FNDC3B: variants seen among roughly 807,000 people sequenced by gnomAD.
FNDC3B encodes the protein fibronectin type III domain containing 3B, also known as fibronectin type III domain-containing protein 3B.
FNDC3B carries 12 observed loss-of-function variants against 151.5 expected under a neutral mutation model. The ratio of observed to expected loss-of-function variants is 0.08; its 90% confidence interval spans 0.05 to 0.13. The LOEUF is 0.13. Ranked by LOEUF, FNDC3B falls within the 10% of genes least tolerant of loss-of-function variation. The pLI is 1.00. For synonymous variants in FNDC3B, 528 were observed against 549.0 expected (o/e 0.96, Z 0.54); for missense variants, 1,214 against 1,505.3 (o/e 0.81, Z 3.20).
At chr3:172,123,739 T>C (rs989812378) in intron 2 of FNDC3B, among the ~76,000 whole-genome samples, 9 of 152,246 alleles carry the variant, frequency 5.9e-5, no homozygotes, top group African/African-American at 2.2e-4. Context: ...AAAACATCTA[T>C]ATAGAATGGC....
At chr3:172,287,129 A>G (rs1270073218) in intron 7 of FNDC3B, among the ~76,000 whole-genome samples, 1 of 152,200 alleles carries the variant, frequency 6.6e-6, no homozygotes, top group Non-Finnish European at 1.5e-5. Flanking sequence ...GTCCATGCCC[A>G]TCAAGTGGGA....
At chr3:172,230,124 G>A (rs1726810903) in intron 4 of FNDC3B, among the ~76,000 whole-genome samples, 1 of 152,044 alleles carries the variant, frequency 6.6e-6, no homozygotes, top group Non-Finnish European at 1.5e-5. Flanking sequence ...GAAAGCATGA[G>A]CAACAAGAGA....
intron 23 of FNDC3B, among the ~76,000 whole-genome samples, chr3:172,371,108 A>G (rs1364054671): frequency 6.6e-6 from 1 of 151,170 alleles, no homozygotes; most frequent in African/African-American, 2.4e-5. Flanking sequence ...TCAGGGCAAC[A>G]CCCTCCCCCC....
rs555490590 is a variant in FNDC3B at position 172,209,970 on chromosome 3, C to A, written c.188-16901C>A. ...ACATCCGGCTGGCTCGCAACAGTGCCCAGGCTCAGCCACAACTGTTTTCCG... is the reference window on the plus strand; with the variant it reads ...ACATCCGGCTGGCTCGCAACAGTGCACAGGCTCAGCCACAACTGTTTTCCG... On this transcript the variant is annotated intron_variant, in intron 3 of 25. Coordinates refer to ENST00000415807, the MANE Select transcript of FNDC3B (RefSeq NM_022763.4). 2.6e-5 allele frequency among the ~76,000 whole-genome samples: 4 copies of A among 152,246 alleles called. No homozygotes were observed. The East Asian group carries it at 5.8e-4, about 22-fold the overall frequency.
At chr3:172,342,575 A>T (rs937868426) in intron 17 of FNDC3B, among the ~76,000 whole-genome samples, 1 of 152,196 alleles carries the variant, frequency 6.6e-6, no homozygotes, top group Non-Finnish European at 1.5e-5. Flanking sequence ...GAATCAATTG[A>T]TTAATATTGA....
At chr3:172,120,159 C>G (rs1720462710) in intron 2 of FNDC3B, among the ~76,000 whole-genome samples, 1 of 152,126 alleles carries the variant, frequency 6.6e-6, no homozygotes, top group African/African-American at 2.4e-5. Flanking sequence ...TCTGAGCTGT[C>G]TGGGTTGAGA....
intron 2 of FNDC3B, among the ~76,000 whole-genome samples, chr3:172,121,341 G>A (rs958235597): frequency 1.3e-5 from 2 of 152,176 alleles, no homozygotes; most frequent in Non-Finnish European, 2.9e-5. Context: ...CTGGGCGCTG[G>A]TTCATGTTGC....
intron 24 of FNDC3B, 28 bp from the exon 25 acceptor site, chr3:172,380,938 A>G: frequency 6.2e-7 from 1 of 1,610,308 alleles, no homozygotes; most frequent in Non-Finnish European, 8.5e-7. Context: ...TTGAATTTTG[A>G]GCTTGGATGT....
At chr3:172,360,494 A>G (rs1373004849) in intron 22 of FNDC3B, among the ~76,000 whole-genome samples, 1 of 152,172 alleles carries the variant, frequency 6.6e-6, no homozygotes, top group Non-Finnish European at 1.5e-5. Flanking sequence ...TTTTCATGTC[A>G]TATCCAAAAA....
At chr3:172,167,080 T>C (rs1161693912) in intron 3 of FNDC3B, among the ~76,000 whole-genome samples, 1 of 152,146 alleles carries the variant, frequency 6.6e-6, no homozygotes, top group Non-Finnish European at 1.5e-5. Context: ...CTCTTAAATA[T>C]TGCGTTGTTT....
At chr3:172,104,797 G>A (rs568831424) in intron 1 of FNDC3B, among the ~76,000 whole-genome samples, 1 of 152,286 alleles carries the variant, frequency 6.6e-6, no homozygotes, top group African/African-American at 2.4e-5. Flanking sequence ...CAGAGGTAAA[G>A]AAGATCACAT....
chr3:172,254,769 C>T (rs538416038), intron 6 of FNDC3B, among the ~76,000 whole-genome samples: 1 of 152,252 alleles, frequency 6.6e-6, no homozygotes, highest in East Asian at 1.9e-4. Flanking sequence ...GGATCTCTGT[C>T]TTCTTGCACT....
At chr3:172,195,884 A>T (rs1288346344) in intron 3 of FNDC3B, among the ~76,000 whole-genome samples, 6 of 152,220 alleles carry the variant, frequency 3.9e-5, no homozygotes, top group Non-Finnish European at 8.8e-5. Flanking sequence ...ACATAATGAC[A>T]CTAATCCTCA....
chr3:172,389,935 T>G (rs931914075), intron 25 of FNDC3B, among the ~76,000 whole-genome samples: 29 of 152,226 alleles, frequency 1.9e-4, no homozygotes, highest in African/African-American at 6.3e-4. Flanking sequence ...TAGACTCCAT[T>G]TTTTGCTGCA....
chr3:172,167,207 C>T (rs1723048703), intron 3 of FNDC3B, among the ~76,000 whole-genome samples: 1 of 152,110 alleles, frequency 6.6e-6, no homozygotes, highest in Non-Finnish European at 1.5e-5. Context: ...ACCAGTCTGG[C>T]CAACATGGCG....
intron 13 of FNDC3B, among the ~76,000 whole-genome samples, chr3:172,331,779 A>G (rs13096174): frequency 0.58 from 88,714 of 151,926 alleles, 28,656 homozygotes; most frequent in African/African-American, 0.86. Context: ...CATTTTCTTC[A>G]AGTCTGTTCT....
At chr3:172,396,301 C>T (rs945145243) in intron 25 of FNDC3B, among the ~76,000 whole-genome samples, 2 of 152,098 alleles carry the variant, frequency 1.3e-5, no homozygotes, top group African/African-American at 4.8e-5. Flanking sequence ...AAATTAATTA[C>T]AGAATTAGAA....
chr3:172,093,543 T>C (rs1047237223), intron 1 of FNDC3B, among the ~76,000 whole-genome samples: 7 of 151,988 alleles, frequency 4.6e-5, no homozygotes, highest in South Asian at 2.1e-4. Flanking sequence ...CAGGCGTGAG[T>C]CACCGCGCCC....
At chr3:172,278,692 C>T (rs1450357677) in intron 6 of FNDC3B, among the ~76,000 whole-genome samples, 1 of 152,072 alleles carries the variant, frequency 6.6e-6, no homozygotes, top group Non-Finnish European at 1.5e-5. Flanking sequence ...TTTGGGAGGC[C>T]GAGATGGGTG....
Sources: gnomAD v4.1 joint callset for allele counts (sites outside exome capture counted in the v4.1 genomes callset) on GRCh38, gnomAD v4.1.1 for gene constraint, MANE v1.5 for transcripts, NCBI Gene and HGNC (gene_info 2026-07-23, HGNC 2026-07-21) for gene names.